Variants in ADGRB3 observed in about 807,000 individuals in gnomAD.
ADGRB3 encodes the protein adhesion G protein-coupled receptor B3.
In ADGRB3, 37 loss-of-function variants were observed where a neutral mutation model predicts 193.4. The observed-to-expected ratio is 0.19, with a 90% confidence interval of 0.15 to 0.25. The LOEUF is 0.25. ADGRB3 is among the 10% of genes least tolerant of loss of function. The pLI, the probability that ADGRB3 is intolerant of heterozygous loss-of-function variation, is 1.00. For missense variants in ADGRB3, 1,637 were observed against 1,852.9 expected (o/e 0.88, Z 2.14); for synonymous variants, 690 against 644.2 (o/e 1.07, Z -1.08).
chr6:69,250,443 C>T (rs1322797398), intron 20 of ADGRB3, among the ~76,000 whole-genome samples: 1 of 152,132 alleles, frequency 6.6e-6, no homozygotes, highest in Non-Finnish European at 1.5e-5. Context: ...AGAACAGCAT[C>T]CTTTATTACA....
chr6:68,978,503 T>C (rs1468221203), intron 10 of ADGRB3, among the ~76,000 whole-genome samples: 1 of 151,576 alleles, frequency 6.6e-6, no homozygotes, highest in African/African-American at 2.4e-5. Flanking sequence ...TCTTTTTACA[T>C]GTTCAGTAAA....
chr6:69,278,702 C>T (rs1410532691), intron 20 of ADGRB3, among the ~76,000 whole-genome samples: 2 of 152,080 alleles, frequency 1.3e-5, no homozygotes, highest in Non-Finnish European at 2.9e-5. Flanking sequence ...CTGGTGAAGA[C>T]CATGGGTTCC....
intron 16 of ADGRB3, among the ~76,000 whole-genome samples, chr6:69,072,019 TG>T: frequency 6.6e-6 from 1 of 152,262 alleles, no homozygotes; most frequent in East Asian, 1.9e-4. Context: ...TAGCCAGCTT[TG>T]TTTTTTTTAA....
At chr6:69,254,148 C>G (rs1303852966) in intron 20 of ADGRB3, among the ~76,000 whole-genome samples, 1 of 152,050 alleles carries the variant, frequency 6.6e-6, no homozygotes, top group Non-Finnish European at 1.5e-5. Context: ...GTTTTAAAAG[C>G]CTTTAGTGAA....
chr6:69,238,493 G>A (rs1766318914), intron 19 of ADGRB3, among the ~76,000 whole-genome samples: 1 of 152,004 alleles, frequency 6.6e-6, no homozygotes, highest in African/African-American at 2.4e-5. Flanking sequence ...CAGCCTAATA[G>A]TGAATTATCA....
chr6:68,806,806 A>G (rs1582217036), intron 3 of ADGRB3, among the ~76,000 whole-genome samples: 1 of 152,098 alleles, frequency 6.6e-6, no homozygotes, highest in East Asian at 1.9e-4. Flanking sequence ...TATATACCAT[A>G]ATTTTAGAGT....
At chr6:69,215,615 T>A (rs1201765564) in intron 17 of ADGRB3, among the ~76,000 whole-genome samples, 1 of 152,046 alleles carries the variant, frequency 6.6e-6, no homozygotes, top group African/African-American at 2.4e-5. Flanking sequence ...TAAAGAATTA[T>A]AAGACCTATA....
At position 69,387,065 on chromosome 6, in the gene ADGRB3, G is replaced by T. The variant is rs188436731; in HGVS notation, c.4381-1638G>T. On this transcript the variant is annotated intron_variant, in intron 31 of 31. Coordinates refer to ENST00000370598, the MANE Select transcript of ADGRB3 (RefSeq NM_001704.3). The stretch of plus-strand genomic sequence containing the variant: ...ATCCACACGTTCTGCCAACTCCTTG[G>T]CCCACAATATAAAGCATATCGCTGT... Among the ~76,000 whole-genome samples, 230 of 152,108 alleles carry T rather than the reference G, an allele frequency of 1.5e-3. 1 individual carries two copies. Among genetic ancestry groups the T allele is most frequent in the African/African-American group, 5.3e-3 (221 of 41,516 alleles).
At chr6:68,807,235 CTTTTTTTT>C (rs771342538) in intron 3 of ADGRB3, among the ~76,000 whole-genome samples, 1,857 of 100,208 alleles carry the variant, frequency 0.019, 46 homozygotes, top group African/African-American at 0.063. Context: ...TTTCTTTTTT[CTTTTTTTT>C]TTTTTTTTTT....
At chr6:69,365,751 T>G (rs1582659782) in intron 29 of ADGRB3, among the ~76,000 whole-genome samples, 1 of 152,180 alleles carries the variant, frequency 6.6e-6, no homozygotes, top group African/African-American at 2.4e-5. Context: ...GGCTAAATTT[T>G]TATACACCAG....
At chr6:69,291,738 A>G (rs1767686770) in intron 20 of ADGRB3, among the ~76,000 whole-genome samples, 1 of 152,146 alleles carries the variant, frequency 6.6e-6, no homozygotes, top group South Asian at 2.1e-4. Flanking sequence ...TTCAGGATAC[A>G]CTACCCCCAA....
chr6:68,778,440 C>T (rs985752121), intron 3 of ADGRB3, among the ~76,000 whole-genome samples: 1 of 152,068 alleles, frequency 6.6e-6, no homozygotes, highest in Non-Finnish European at 1.5e-5. Flanking sequence ...AAGACAATTC[C>T]TCGCTATGAA....
At chr6:69,124,112 A>G (rs1473066253) in intron 17 of ADGRB3, among the ~76,000 whole-genome samples, 1 of 151,658 alleles carries the variant, frequency 6.6e-6, no homozygotes, top group Non-Finnish European at 1.5e-5. Flanking sequence ...TGTAGGTGAC[A>G]TTTTTAACTC....
In ADGRB3 at chr6:69,388,722, A is replaced by G. The variant is rs1158212267; in HGVS notation, c.4400A>G (p.Lys1467Arg). Reference protein sequence around the residue: ...TSSMENPAPNKNPWDTFKNPS... With the variant: ...TSSMENPAPNRNPWDTFKNPS... ...CAACAGGAAAACCCCGCACCAAACAAGAATCCATGGGACACTTTCAAAAAC... is the reference window on the plus strand; with the variant it reads ...CAACAGGAAAACCCCGCACCAAACAGGAATCCATGGGACACTTTCAAAAAC... The change falls in exon 32 of 32, where the codon AAG (lysine) becomes AGG (arginine). Residue 1467 changes from lysine (K) to arginine (R), a missense_variant. Physicochemically the swap from Lys to Arg is conservative, Grantham distance 26 (BLOSUM62 2). Around this residue, in one of 7 missense-constraint regions of ADGRB3, gnomAD observed 368 missense variants for 367.4 expected, o/e 1.00. Transcript: ENST00000370598. 3 of 1,613,160 alleles carry G rather than the reference A, an allele frequency of 1.9e-6. No individual in the cohort carries two copies. Among genetic ancestry groups the G allele is most frequent in the Non-Finnish European group, 2.5e-6 (3 of 1,179,516 alleles).
rs1394030174 is a variant in ADGRB3 at position 69,320,100 on chromosome 6, A to C, written c.2815-4772A>C. Reference sequence around the variant, plus strand: ...TGTGGTTACTGAACCATTAACATAAATGTTCAAGCGTATTTTTCTATAATC... The same window carrying C: ...TGTGGTTACTGAACCATTAACATAACTGTTCAAGCGTATTTTTCTATAATC... On this transcript the variant is annotated intron_variant, in intron 20 of 31. Transcript: ENST00000370598. 3.3e-5 allele frequency among the ~76,000 whole-genome samples: 5 copies of C among 151,538 alleles called. No individual in the cohort carries two copies. The South Asian group carries it at 1.0e-3, about 31-fold the overall frequency.
At chr6:69,069,709 T>G (rs1582438000) in intron 16 of ADGRB3, among the ~76,000 whole-genome samples, 3 of 127,210 alleles carry the variant, frequency 2.4e-5, no homozygotes, top group African/African-American at 3.0e-5. Context: ...CCAGGCTGGG[T>G]GACAGAGTGA....
intron 3 of ADGRB3, among the ~76,000 whole-genome samples, chr6:68,904,999 T>C (rs1329296570): frequency 6.6e-6 from 1 of 152,234 alleles, no homozygotes; most frequent in Non-Finnish European, 1.5e-5. Context: ...CATTGAATTT[T>C]ACTCCATTTT....
At chr6:68,705,856 G>A (rs1413588205) in intron 3 of ADGRB3, among the ~76,000 whole-genome samples, 1 of 152,176 alleles carries the variant, frequency 6.6e-6, no homozygotes, top group Admixed American at 6.5e-5. Flanking sequence ...AAGGGTGGGA[G>A]TCAGTAGATA....
intron 19 of ADGRB3, among the ~76,000 whole-genome samples, chr6:69,238,342 GGGTAAACAGCT>G (rs1425725343): frequency 6.6e-6 from 1 of 152,014 alleles, no homozygotes; most frequent in Non-Finnish European, 1.5e-5. Flanking sequence ...TACTCTTTCA[GGGTAAACAGCT>G]GGTAGAACAT....
Sources: allele counts gnomAD v4.1 joint callset (sites outside exome capture counted in the v4.1 genomes callset), GRCh38; gene constraint gnomAD v4.1.1; regional missense constraint gnomAD v4.1.1; transcripts MANE v1.5; gene names NCBI Gene and HGNC (gene_info 2026-07-23, HGNC 2026-07-21).